Variants in MREG observed in about 807,000 individuals in gnomAD.
MREG encodes the protein dilute suppressor protein homolog.
MREG carries 31 observed loss-of-function variants against 28.5 expected under a neutral mutation model. The ratio of observed to expected loss-of-function variants is 1.09; its 90% CI spans 0.82 to 1.47. MREG has a LOEUF of 1.47. MREG is among the 40% of genes most tolerant of loss of function. The pLI, the probability that MREG is intolerant of heterozygous loss-of-function variation, is 0.00. For synonymous variants in MREG, 106 were observed against 95.2 expected (o/e 1.11, Z -0.66); for missense variants, 256 against 257.4 (o/e 0.99, Z 0.04).
chr2:215,994,101 G>A (rs78803604), intron 2 of MREG, among the ~76,000 whole-genome samples: 39,040 of 151,674 alleles, frequency 0.26, 5,306 homozygotes, highest in African/African-American at 0.28. Context: ...TACTATAAAG[G>A]CACATGCACA....
intron 2 of MREG, among the ~76,000 whole-genome samples, chr2:215,990,465 C>T (rs1399891700): frequency 6.6e-6 from 1 of 152,152 alleles, no homozygotes; most frequent in Non-Finnish European, 1.5e-5. Context: ...AGACCATCGA[C>T]ACTATGAAGA....
chr2:215,951,104 C>T (rs998643898), intron 2 of MREG, among the ~76,000 whole-genome samples: 1 of 152,066 alleles, frequency 6.6e-6, no homozygotes, highest in Non-Finnish European at 1.5e-5. Flanking sequence ...CTGAGGCCTC[C>T]CAGCCATGCT....
rs1057054126 is a variant in MREG, at chr2:215,944,588, G to A, written c.*275C>T. The A allele has an allele frequency of 7.7e-6, 2 of 260,954 alleles. No homozygotes were observed. Among genetic ancestry groups the A allele is most frequent in the African/African-American group, 2.2e-5 (1 of 45,786 alleles). 16.2% of individuals were successfully genotyped at this position (260,954 alleles called of 1,614,324 possible). On this transcript the variant is annotated 3_prime_UTR_variant, in exon 5 of 5. Transcript: ENST00000263268. ...AACTAAAACCAAAGCTGGGGCAATG[G>A]GCTCTCAGAATGGAACCACCCATTA...
At chr2:216,005,379 A>T (rs1488610784) in intron 1 of MREG, among the ~76,000 whole-genome samples, 3 of 143,484 alleles carry the variant, frequency 2.1e-5, no homozygotes, top group Non-Finnish European at 3.0e-5. Context: ...GGAGGAGATA[A>T]GGGGCTGGCA....
At chr2:215,966,005 G>A (rs1358571002) in intron 2 of MREG, among the ~76,000 whole-genome samples, 1 of 152,206 alleles carries the variant, frequency 6.6e-6, no homozygotes, top group African/African-American at 2.4e-5. Context: ...AAATCTTTGA[G>A]GCGTGGCTCC....
chr2:215,988,102 C>A (rs945667342), intron 2 of MREG, among the ~76,000 whole-genome samples: 1 of 152,036 alleles, frequency 6.6e-6, no homozygotes, highest in Non-Finnish European at 1.5e-5. Context: ...AGAGGTTATT[C>A]CAAGATGGCT....
intron 1 of MREG, 149 bp downstream of exon 1, chr2:216,013,084 A>G (rs923718078): frequency 9.3e-6 from 6 of 643,584 alleles, no homozygotes; most frequent in Admixed American, 3.0e-5. Flanking sequence ...AAAACATCCC[A>G]TAAGGAACCA....
intron 2 of MREG, among the ~76,000 whole-genome samples, chr2:215,986,721 C>A (rs1693581688): frequency 1.3e-5 from 2 of 152,192 alleles, no homozygotes; most frequent in African/African-American, 4.8e-5. Context: ...TGCACAAGTT[C>A]TCTTGCCTGC....
intron 1 of MREG, among the ~76,000 whole-genome samples, chr2:216,004,093 G>T (rs1488142799): frequency 6.6e-6 from 1 of 152,104 alleles, no homozygotes; most frequent in Non-Finnish European, 1.5e-5. Flanking sequence ...GAACCCATTA[G>T]TCAAGTCACA....
At chr2:215,990,231 G>A (rs1444988624) in intron 2 of MREG, among the ~76,000 whole-genome samples, 2 of 152,120 alleles carry the variant, frequency 1.3e-5, no homozygotes, top group African/African-American at 2.4e-5. Flanking sequence ...AAGAGAGTGG[G>A]GGCCAATATT....
chr2:216,006,387 C>A (rs935681890), intron 1 of MREG, among the ~76,000 whole-genome samples: 1 of 152,254 alleles, frequency 6.6e-6, no homozygotes, highest in Non-Finnish European at 1.5e-5. Context: ...CCCTATCACT[C>A]CCCTGTCTTT....
chr2:215,978,701 C>T (rs545805177), intron 2 of MREG, among the ~76,000 whole-genome samples: 2 of 152,362 alleles, frequency 1.3e-5, no homozygotes, highest in African/African-American at 4.8e-5. Flanking sequence ...AAGTCAGCTT[C>T]ATCCCTGGGA....
chr2:216,000,785 G>T (rs999450331), intron 1 of MREG, among the ~76,000 whole-genome samples: 3 of 152,184 alleles, frequency 2.0e-5, no homozygotes, highest in African/African-American at 7.2e-5. Context: ...CATAACTCAT[G>T]GTTACCGCCT....
In MREG at chr2:215,996,501, A is replaced by G. The variant is rs2303844; in HGVS notation, c.96-36T>C. On this transcript the variant is annotated intron_variant, in intron 1 of 4. Coordinates refer to ENST00000263268, the MANE Select transcript of MREG (RefSeq NM_018000.3). ...AAAAAAGGAAAGATTGGGGTTTTAT[A>G]ATATACATAAAATGTTATATGTCAT... is the stretch of plus-strand genomic sequence containing the variant. 93 of 1,520,210 alleles carry G rather than the reference A, an allele frequency of 6.1e-5. No individual in the cohort carries two copies. In the East Asian group the frequency reaches 2.1e-3, roughly 34 times the overall value. The allele number at this position is 1,520,210 out of a possible 1,614,324, so 94.2% of individuals were successfully genotyped here. A position where few individuals can be genotyped will look rare whatever the true frequency, so the allele number is the denominator to read the frequency against.
chr2:216,022,669 C>T (rs913896163), intron 1 of MREG, among the ~76,000 whole-genome samples: 1 of 152,206 alleles, frequency 6.6e-6, no homozygotes, highest in African/African-American at 2.4e-5. Context: ...CTTCCTACCT[C>T]CGGAAGACAA....
intron 2 of MREG, among the ~76,000 whole-genome samples, chr2:215,962,611 G>A (rs1288622172): frequency 6.6e-6 from 1 of 152,170 alleles, no homozygotes; most frequent in Non-Finnish European, 1.5e-5. Flanking sequence ...ATTAGTTTAA[G>A]CATGTACCAT....
chr2:216,027,416 G>A (rs1466922893), intron 1 of MREG, among the ~76,000 whole-genome samples: 1 of 152,196 alleles, frequency 6.6e-6, no homozygotes, highest in Non-Finnish European at 1.5e-5. Context: ...AGGTACCCAG[G>A]TGCAGTGGCT....
chr2:215,966,084 C>T (rs2105984872), intron 2 of MREG, among the ~76,000 whole-genome samples: 1 of 152,110 alleles, frequency 6.6e-6, no homozygotes, highest in Middle Eastern at 3.4e-3. Context: ...AACTTAAAAG[C>T]TTTGCACTGT....
At chr2:216,013,634 C>T (rs1232305267), upstream of MREG, 1 of 152,346 alleles carries the variant, frequency 6.6e-6, no homozygotes, top group Non-Finnish European at 1.5e-5. Context: ...CTACCGCCCT[C>T]TAAGGGTGAA....
Sources: gnomAD v4.1 joint callset for allele counts (sites outside exome capture counted in the v4.1 genomes callset) on GRCh38, gnomAD v4.1.1 for gene constraint, MANE v1.5 for transcripts, NCBI Gene and HGNC (gene_info 2026-07-23, HGNC 2026-07-21) for gene names.